ARFGEF2: variants seen among roughly 807,000 people sequenced by gnomAD.
ARFGEF2 encodes brefeldin A-inhibited guanine nucleotide-exchange protein 2.
A neutral mutation model predicts 219.9 loss-of-function variants in ARFGEF2; 74 were observed. The observed-to-expected ratio is 0.34, with a 90% CI of 0.28 to 0.41. ARFGEF2 has a LOEUF of 0.41. Ranked by LOEUF, ARFGEF2 falls within the 10% of genes least tolerant of loss-of-function variation. ARFGEF2 has a pLI of 1.00. For missense variants in ARFGEF2, 1,743 were observed against 2,218.3 expected, an observed-to-expected ratio of 0.79 and a Z score of 4.30; for synonymous variants, 733 against 799.2, an observed-to-expected ratio of 0.92 and a Z score of 1.40.
intron 8 of ARFGEF2, among the ~76,000 whole-genome samples, chr20:48,968,245 A>G (rs1186954495): frequency 2.6e-5 from 4 of 152,102 alleles, no homozygotes; most frequent in South Asian, 2.1e-4. Flanking sequence ...CGCCCGCCTC[A>G]GCCTCCCAAA....
Position 48,963,175 on chromosome 20 carries a change from C to CAAAA in ARFGEF2, c.839-644_839-641dup, listed in dbSNP as rs71337478. Among the ~76,000 whole-genome samples, 28 of 110,838 alleles carry CAAAA rather than the reference C, an allele frequency of 2.5e-4. 5 individuals carry two copies. In the South Asian group the frequency reaches 3.3e-3, roughly 13 times the overall value. 72.7% of individuals were successfully genotyped at this position (110,838 alleles called of 152,430 possible). ...TGGGCAAGACAGCAAAACTCTGTCTCAAAAAAAAAAAAAAGTAATGTTTAC... is the reference window on the plus strand; with the variant it reads ...TGGGCAAGACAGCAAAACTCTGTCTCAAAAAAAAAAAAAAAAAAGTAATGTTTAC... On this transcript the variant is annotated intron_variant, in intron 6 of 38. Transcript: ENST00000371917.
rs1219716469 is a variant in ARFGEF2, at chr20:48,969,220, T to G, written c.1133T>G (p.Phe378Cys). The G allele has an allele frequency of 6.2e-7, 1 of 1,614,202 alleles. No individual in the cohort carries two copies. The highest frequency in any genetic ancestry group is 1.7e-5 in the Admixed American group (1 of 60,020). Residue 378 changes from phenylalanine (F) to cysteine (C), a missense_variant, in exon 9 of 39, where the codon TTC becomes TGC. Phe to Cys is a radical substitution (Grantham distance 205). Around this residue, in one of 5 missense-constraint regions of ARFGEF2, gnomAD observed 666 missense variants for 955.4 expected, o/e 0.70. Coordinates refer to ENST00000371917, the MANE Select transcript of ARFGEF2 (RefSeq NM_006420.3). The stretch of plus-strand genomic sequence containing the variant: ...CTGCAGAAGGATGCCTTCCTTGTGT[T>G]CCGCTCCCTGTGCAAGCTGTCCATG... ...HVLQKDAFLV[F>C]RSLCKLSMKP...
At chr20:48,973,931 A>T (rs1312865438) in intron 12 of ARFGEF2, among the ~76,000 whole-genome samples, 2 of 152,090 alleles carry the variant, frequency 1.3e-5, no homozygotes, top group Admixed American at 6.6e-5. Flanking sequence ...CTTGTTATTT[A>T]AGAATGCTGT....
At chr20:48,970,243 A>G (rs1231285126) in intron 9 of ARFGEF2, among the ~76,000 whole-genome samples, 1 of 152,200 alleles carries the variant, frequency 6.6e-6, no homozygotes, top group African/African-American at 2.4e-5. Flanking sequence ...TGAACCCAGG[A>G]GGCAGAGGTT....
chr20:48,942,123 T>TGCTC, intron 3 of ARFGEF2, 136 bp downstream of exon 3: 1 of 1,241,398 alleles, frequency 8.1e-7, no homozygotes. Flanking sequence ...TTTAACGTAT[T>TGCTC]CTTTTTGGAG....
Position 49,013,978 on chromosome 20 carries a change from C to T in ARFGEF2, c.4179+18C>T, listed in dbSNP as rs111436779. 1 of 1,613,748 alleles carries T rather than the reference C, an allele frequency of 6.2e-7. No homozygotes were observed. The highest frequency in any genetic ancestry group is 1.7e-5 in the Admixed American group (1 of 60,022). On this transcript the variant is annotated intron_variant, in intron 30 of 38. Coordinates refer to ENST00000371917, the MANE Select transcript of ARFGEF2 (RefSeq NM_006420.3). ...TGTCAGAGGTAGGTGATAACTACAG[C>T]ACTGCCCTAGGTATGATGGAGAGGA...
intron 1 of ARFGEF2, among the ~76,000 whole-genome samples, chr20:48,924,403 T>C (rs2090863086): frequency 6.6e-6 from 1 of 150,832 alleles, no homozygotes; most frequent in Non-Finnish European, 1.5e-5. Flanking sequence ...TCCCACCTAC[T>C]CGGGAGGCTG....
At chr20:48,922,779 A>G (rs1189807479) in intron 1 of ARFGEF2, among the ~76,000 whole-genome samples, 2 of 152,252 alleles carry the variant, frequency 1.3e-5, no homozygotes, top group Non-Finnish European at 2.9e-5. Context: ...TCACTATCCT[A>G]TCTTTCAGTT....
At chr20:48,931,191 G>T (rs937497743) in intron 1 of ARFGEF2, among the ~76,000 whole-genome samples, 1 of 152,210 alleles carries the variant, frequency 6.6e-6, no homozygotes, top group Non-Finnish European at 1.5e-5. Context: ...GGCTGTGGGA[G>T]GAGGGAGATG....
intron 38 of ARFGEF2, 138 bp from the exon 39 acceptor site, chr20:49,032,885 G>T: frequency 1.1e-6 from 1 of 869,584 alleles, no homozygotes; most frequent in Admixed American, 2.2e-5. Flanking sequence ...GAATCACTGC[G>T]CTCGGCCCCA....
intron 22 of ARFGEF2, among the ~76,000 whole-genome samples, chr20:48,995,393 C>T (rs893858005): frequency 3.9e-5 from 6 of 152,172 alleles, no homozygotes; most frequent in South Asian, 2.1e-4. Flanking sequence ...TTAGGGTTCT[C>T]GTGAGGATGA....
Position 49,028,682 on chromosome 20 carries a change from T to C in ARFGEF2, c.5063+14T>C. The C allele has an allele frequency of 6.2e-7, 1 of 1,612,796 alleles. No homozygotes were observed. The highest frequency in any genetic ancestry group is 8.5e-7 in the Non-Finnish European group (1 of 1,179,132). On this transcript the variant is annotated intron_variant, in intron 37 of 38. Transcript: ENST00000371917. ...GAGACTTTTAACGTAAGAAAATTAG[T>C]TTCTGATTAGATTTCTATCTGCTAT...
At chr20:48,956,079 C>T (rs1018390582) in intron 6 of ARFGEF2, among the ~76,000 whole-genome samples, 3 of 152,156 alleles carry the variant, frequency 2.0e-5, no homozygotes, top group Admixed American at 1.3e-4. Flanking sequence ...TACCCAGGGG[C>T]GGAGTCCAGG....
At position 48,998,373 on chromosome 20, in the gene ARFGEF2, T is replaced by C. The variant is rs762219707; in HGVS notation, c.3300T>C (p.Asp1100=). The C allele has an allele frequency of 6.2e-7, 1 of 1,614,178 alleles. No homozygotes were observed. The highest frequency in any genetic ancestry group is 2.2e-5 in the East Asian group (1 of 44,878). ...GCTGGCTGTGTGCTGTGTCCATGGA[T>C]GAACTGGCTTCCCCCCACCATCCTC... ...FVRWLCAVSM[D]ELASPHHPRM... is the part of the protein sequence containing the mutation. The change falls in exon 25 of 39, where the codon GAT becomes GAC. Residue 1100 remains aspartate, a synonymous_variant. Coordinates refer to ENST00000371917, the MANE Select transcript of ARFGEF2 (RefSeq NM_006420.3).
Position 49,033,318 on chromosome 20 carries a change from C to A in ARFGEF2, c.*119C>A. On this transcript the variant is annotated 3_prime_UTR_variant, in exon 39 of 39. Transcript: ENST00000371917. ...GTTGGCATCTTGGATCTCAGAATGGCCTGGAAACGGATGGCCTCTACGCTG... is the reference window on the plus strand; with the variant it reads ...GTTGGCATCTTGGATCTCAGAATGGACTGGAAACGGATGGCCTCTACGCTG... 1 of 1,166,818 alleles carries A rather than the reference C, an allele frequency of 8.6e-7. No homozygotes were observed. 72.3% of individuals were successfully genotyped at this position (1,166,818 alleles called of 1,614,324 possible).
chr20:48,968,774 C>T (rs1010083606), intron 8 of ARFGEF2, among the ~76,000 whole-genome samples: 1 of 152,118 alleles, frequency 6.6e-6, no homozygotes, highest in African/African-American at 2.4e-5. Flanking sequence ...TTTTAAACCA[C>T]CCATACCAAC....
At chr20:48,966,686 T>A (rs1020069263) in intron 8 of ARFGEF2, among the ~76,000 whole-genome samples, 2 of 152,194 alleles carry the variant, frequency 1.3e-5, no homozygotes, top group Admixed American at 1.3e-4. Flanking sequence ...TTTTTACCAG[T>A]GTTTCTCAAT....
chr20:49,021,831 C>T (rs2091566501), intron 34 of ARFGEF2, among the ~76,000 whole-genome samples: 1 of 133,984 alleles, frequency 7.5e-6, no homozygotes, highest in South Asian at 2.3e-4. Flanking sequence ...GGTGACACAG[C>T]GAGACTCTGT....
chr20:48,968,237 C>A (rs376400353), intron 8 of ARFGEF2, among the ~76,000 whole-genome samples: 216 of 152,260 alleles, frequency 1.4e-3, no homozygotes, highest in Middle Eastern at 0.01. Flanking sequence ...TCGTGATTCG[C>A]CCGCCTCAGC....
Sources: allele counts gnomAD v4.1 joint callset (sites outside exome capture counted in the v4.1 genomes callset), GRCh38; gene constraint gnomAD v4.1.1; regional missense constraint gnomAD v4.1.1; transcripts MANE v1.5; gene names NCBI Gene and HGNC (gene_info 2026-07-23, HGNC 2026-07-21).